PRUNE2: variants seen among roughly 807,000 people sequenced by gnomAD.
PRUNE2 encodes protein prune homolog 2.
PRUNE2 carries 164 observed loss-of-function variants against 252.0 expected under a neutral mutation model. That is an observed-to-expected ratio of 0.65 (90% confidence interval 0.57 to 0.74). The LOEUF (loss-of-function observed/expected upper bound fraction) is 0.74, where lower values mean the gene tolerates loss of function less well. Ranked by LOEUF, PRUNE2 falls within the 30% of genes least tolerant of loss-of-function variation. The probability of loss-of-function intolerance (pLI) is 0.00; values close to 1 mark genes in which losing one functional copy is unlikely to be tolerated. For missense variants in PRUNE2, 3,495 were observed against 3,711.0 expected, an observed-to-expected ratio of 0.94 and a Z score of 1.51; for synonymous variants, 1,292 against 1,350.2, an observed-to-expected ratio of 0.96 and a Z score of 0.94.
At chr9:76,691,040 T>C (rs750464875) in intron 9 of PRUNE2, among the ~76,000 whole-genome samples, 11 of 152,220 alleles carry the variant, frequency 7.2e-5, no homozygotes, top group Non-Finnish European at 1.5e-4. Flanking sequence ...TTACATTCCG[T>C]GCATATTATC....
At chr9:76,615,746 TTTG>T (rs1564310976) in intron 18 of PRUNE2, among the ~76,000 whole-genome samples, 1 of 150,988 alleles carries the variant, frequency 6.6e-6, no homozygotes, top group African/African-American at 2.4e-5. Flanking sequence ...GTGGATTTTT[TTTG>T]TTGTTGTTTT....
At chr9:76,879,586 G>GA (rs1194169706) in intron 1 of PRUNE2, among the ~76,000 whole-genome samples, 1 of 151,392 alleles carries the variant, frequency 6.6e-6, no homozygotes, top group Non-Finnish European at 1.5e-5. Context: ...ATATTAAGAA[G>GA]AAAAAAATAA....
chr9:76,860,690 A>C, intron 1 of PRUNE2, among the ~76,000 whole-genome samples: 1 of 152,164 alleles, frequency 6.6e-6, no homozygotes, highest in Non-Finnish European at 1.5e-5. Flanking sequence ...TTCAGACAAA[A>C]CCCACAGAAG....
chr9:76,729,339 C>T (rs779879148), intron 6 of PRUNE2, among the ~76,000 whole-genome samples: 2 of 152,148 alleles, frequency 1.3e-5, no homozygotes, highest in Non-Finnish European at 2.9e-5. Context: ...TTAGTTCTAG[C>T]GAGCTCTCAG....
At chr9:76,635,809 A>C (rs906116308) in intron 15 of PRUNE2, among the ~76,000 whole-genome samples, 15 of 152,330 alleles carry the variant, frequency 9.8e-5, no homozygotes, top group African/African-American at 3.6e-4. Flanking sequence ...TCTAGAAAGT[A>C]AATACTATCC....
chr9:76,851,499 G>A (rs1208999647), intron 2 of PRUNE2, among the ~76,000 whole-genome samples: 1 of 151,580 alleles, frequency 6.6e-6, no homozygotes, highest in Non-Finnish European at 1.5e-5. Context: ...AGTGAGCCAA[G>A]ATCGTGCCAC....
intron 6 of PRUNE2, among the ~76,000 whole-genome samples, chr9:76,807,283 G>C (rs539412429): frequency 1.8e-4 from 28 of 151,990 alleles, no homozygotes; most frequent in African/African-American, 6.0e-4. Flanking sequence ...TATGTTCCCA[G>C]GATGGTCTCG....
intron 6 of PRUNE2, chr9:76,779,073 TA>T (rs373959143): frequency 1.9e-4 from 29 of 152,248 alleles, no homozygotes; most frequent in African/African-American, 7.0e-4. Flanking sequence ...GATACTATGT[TA>T]TGTGATTAAA....
intron 7 of PRUNE2, among the ~76,000 whole-genome samples, chr9:76,712,871 T>C (rs925748746): frequency 2.0e-5 from 3 of 151,946 alleles, no homozygotes; most frequent in African/African-American, 7.3e-5. Flanking sequence ...AAGGAGGATG[T>C]AGAAAAGAAA....
At chr9:76,885,996 G>A (rs1282049231) in intron 1 of PRUNE2, among the ~76,000 whole-genome samples, 1 of 151,718 alleles carries the variant, frequency 6.6e-6, no homozygotes, top group South Asian at 2.1e-4. Context: ...TGGCCAACAT[G>A]GCGAAACCCC....
At chr9:76,829,947 T>C (rs759192170) in intron 4 of PRUNE2, among the ~76,000 whole-genome samples, 24 of 152,048 alleles carry the variant, frequency 1.6e-4, no homozygotes, top group Admixed American at 7.9e-4. Context: ...AAGAATAAAC[T>C]CATGAGGAAA....
intron 10 of PRUNE2, among the ~76,000 whole-genome samples, chr9:76,653,306 C>A (rs1039146594): frequency 6.6e-6 from 1 of 152,058 alleles, no homozygotes; most frequent in African/African-American, 2.4e-5. Flanking sequence ...GATTCCAGGA[C>A]CCCTGGTGGA....
chr9:76,877,369 G>A (rs1475389812), intron 1 of PRUNE2, among the ~76,000 whole-genome samples: 1 of 152,062 alleles, frequency 6.6e-6, no homozygotes, highest in African/African-American at 2.4e-5. Flanking sequence ...AGCCGGGTGT[G>A]GTGGCAGTCA....
rs766340710 is a variant in PRUNE2 at position 76,713,734 on chromosome 9, C to T, written c.757-13G>A. The T allele has an allele frequency of 2.5e-6, 4 of 1,578,100 alleles. No homozygotes were observed. ...GAAATAGACAATTCTGAAACGACAA[C>T]AGGAAATTTGATATTAATGTCAAAC... On this transcript the variant is annotated splice_polypyrimidine_tract_variant and intron_variant, in intron 6 of 18. Transcript: ENST00000376718.
intron 1 of PRUNE2, among the ~76,000 whole-genome samples, chr9:76,879,217 A>C (rs778663837): frequency 6.6e-6 from 1 of 152,250 alleles, no homozygotes; most frequent in Non-Finnish European, 1.5e-5. Context: ...TGTATGAGAG[A>C]GACAGAGAAA....
intron 1 of PRUNE2, among the ~76,000 whole-genome samples, chr9:76,855,082 A>ACT (rs1554811430): frequency 9.1e-6 from 1 of 109,438 alleles, no homozygotes; most frequent in African/African-American, 3.9e-5. Flanking sequence ...AAAAAAAAAA[A>ACT]ATATATATAT....
chr9:76,758,336 A>G (rs547444446), intron 6 of PRUNE2, among the ~76,000 whole-genome samples: 110 of 152,264 alleles, frequency 7.2e-4, no homozygotes, highest in African/African-American at 2.6e-3. Context: ...TATGGTTCTT[A>G]AAGGAATCTG....
rs1376210220 is a variant in PRUNE2, at chr9:76,613,376, A to C, written c.*1194T>G. On this transcript the variant is annotated 3_prime_UTR_variant, in exon 19 of 19. Coordinates refer to ENST00000376718, the MANE Select transcript of PRUNE2 (RefSeq NM_015225.3). ...AGCTCTGCGGCTGTAGTGTGAAAGT[A>C]GCTGTAGACAGTACAAAAACAAGTT... The C allele has an allele frequency of 6.6e-6, 1 of 152,244 alleles. No individual in the cohort carries two copies. The highest frequency in any genetic ancestry group is 1.5e-5 in the Non-Finnish European group (1 of 68,044). 9.4% of individuals were successfully genotyped at this position (152,244 alleles called of 1,614,324 possible).
At chr9:76,619,893 T>C (rs1374852362) in intron 17 of PRUNE2, among the ~76,000 whole-genome samples, 2 of 152,234 alleles carry the variant, frequency 1.3e-5, no homozygotes, top group African/African-American at 4.8e-5. Context: ...TACCACTCCA[T>C]ACAGCTGAGC....
Sources: gnomAD v4.1 joint callset for allele counts (sites outside exome capture counted in the v4.1 genomes callset) on GRCh38, gnomAD v4.1.1 for gene constraint, MANE v1.5 for transcripts, NCBI Gene and HGNC (gene_info 2026-07-23, HGNC 2026-07-21) for gene names.